Variants in CAMK2D observed in about 807,000 individuals in gnomAD.
The protein encoded by CAMK2D is calcium/calmodulin-dependent protein kinase type II subunit delta.
CAMK2D carries 37 observed loss-of-function variants against 84.0 expected under a neutral mutation model. The ratio of observed to expected loss-of-function variants is 0.44; its 90% CI spans 0.34 to 0.58. The LOEUF (loss-of-function observed/expected upper bound fraction) is 0.58. Ranked by LOEUF, CAMK2D falls within the 20% of genes least tolerant of loss-of-function variation. The probability of loss-of-function intolerance (pLI) is 0.02; values close to 1 mark genes in which losing one functional copy is unlikely to be tolerated. For missense variants in CAMK2D, 448 were observed against 652.5 expected (o/e 0.69, Z 3.41); for synonymous variants, 202 against 212.5 (o/e 0.95, Z 0.43).
In CAMK2D at chr4:113,462,338, G is replaced by GTCTATCTA. The variant is rs1215010791; in HGVS notation, c.1212-2105_1212-2098dup. Among the ~76,000 whole-genome samples, 319 of 130,514 alleles carry GTCTATCTA rather than the reference G, an allele frequency of 2.4e-3. 3 individuals are homozygous for GTCTATCTA. The highest frequency in any genetic ancestry group is 2.3e-3 in the Non-Finnish European group (143 of 62,698). 85.6% of individuals were successfully genotyped at this position (130,514 alleles called of 152,430 possible). A position where few individuals can be genotyped will look rare whatever the true frequency, so the allele number is the denominator to read the frequency against. Reference sequence around the variant, plus strand: ...TGTCTGTCTGTCTGTCTGTCTGTCTGTCTATCTATCTATCTATCTATCTAT... The same window carrying GTCTATCTA: ...TGTCTGTCTGTCTGTCTGTCTGTCTGTCTATCTATCTATCTATCTATCTATCTATCTAT... On this transcript the variant is annotated intron_variant, in intron 17 of 20. Transcript: ENST00000511664.
At chr4:113,759,643 A>G (rs557595120) in intron 1 of CAMK2D, among the ~76,000 whole-genome samples, 2 of 152,350 alleles carry the variant, frequency 1.3e-5, no homozygotes, top group African/African-American at 4.8e-5. Flanking sequence ...AATGAAAGGA[A>G]CTGCCAATTA....
intron 4 of CAMK2D, among the ~76,000 whole-genome samples, chr4:113,582,528 C>T (rs2098815277): frequency 1.3e-5 from 2 of 152,050 alleles, no homozygotes; most frequent in African/African-American, 4.8e-5. Flanking sequence ...AAAATGTACA[C>T]CTTAAGTATC....
At chr4:113,525,574 CTG>C (rs2098410501) in intron 8 of CAMK2D, among the ~76,000 whole-genome samples, 1 of 152,162 alleles carries the variant, frequency 6.6e-6, no homozygotes, top group Non-Finnish European at 1.5e-5. Context: ...AGACCATACT[CTG>C]TGTGCGATCA....
intron 3 of CAMK2D, among the ~76,000 whole-genome samples, chr4:113,652,873 T>G (rs2099181016): frequency 6.6e-6 from 1 of 152,136 alleles, no homozygotes; most frequent in Non-Finnish European, 1.5e-5. Flanking sequence ...ATCCTTCATT[T>G]GTAACAGAAG....
intron 2 of CAMK2D, among the ~76,000 whole-genome samples, chr4:113,757,845 C>A (rs1396157798): frequency 6.6e-6 from 1 of 152,050 alleles, no homozygotes; most frequent in African/African-American, 2.4e-5. Flanking sequence ...ATTTGTTATT[C>A]TGATTTAGGG....
At chr4:113,467,581 C>A (rs1436982311) in intron 16 of CAMK2D, among the ~76,000 whole-genome samples, 3 of 152,148 alleles carry the variant, frequency 2.0e-5, no homozygotes, top group Non-Finnish European at 4.4e-5. Flanking sequence ...TACATAATTA[C>A]TTTTCATTTA....
chr4:113,544,545 C>T (rs969083128), intron 6 of CAMK2D, among the ~76,000 whole-genome samples: 1 of 152,108 alleles, frequency 6.6e-6, no homozygotes, highest in African/African-American at 2.4e-5. Context: ...GCTAAATTTT[C>T]GTTTACATAC....
intron 3 of CAMK2D, among the ~76,000 whole-genome samples, chr4:113,616,580 A>G (rs1044514798): frequency 2.6e-5 from 4 of 152,220 alleles, no homozygotes; most frequent in African/African-American, 9.6e-5. Context: ...GGAAGAAATT[A>G]GAAAGTGGGA....
At chr4:113,708,591 T>C (rs568471325) in intron 2 of CAMK2D, among the ~76,000 whole-genome samples, 3 of 148,850 alleles carry the variant, frequency 2.0e-5, no homozygotes, top group African/African-American at 7.3e-5. Context: ...TGGGAGAAAG[T>C]TTTTTTTTCC....
intron 2 of CAMK2D, among the ~76,000 whole-genome samples, chr4:113,688,910 C>CAAAAAAAAAAAAAAAAAAAAAA (rs34196728): frequency 4.0e-5 from 2 of 49,714 alleles, no homozygotes; most frequent in African/African-American, 7.6e-5. Context: ...AAAGAAGATG[C>CAAAAAAAAAAAAAAAAAAAAAA]AAAAAAAAAA....
At chr4:113,724,371 C>T (rs2099539838) in intron 2 of CAMK2D, among the ~76,000 whole-genome samples, 2 of 151,588 alleles carry the variant, frequency 1.3e-5, no homozygotes, top group Non-Finnish European at 2.9e-5. Flanking sequence ...GAGATGTATA[C>T]TTTGCTTAAT....
At chr4:113,537,835 A>G (rs2098503925) in intron 6 of CAMK2D, among the ~76,000 whole-genome samples, 1 of 152,214 alleles carries the variant, frequency 6.6e-6, no homozygotes, top group Non-Finnish European at 1.5e-5. Context: ...TGGCAAAATA[A>G]TAACAAGAGT....
At chr4:113,674,658 A>T (rs1265466842) in intron 2 of CAMK2D, among the ~76,000 whole-genome samples, 1 of 152,214 alleles carries the variant, frequency 6.6e-6, no homozygotes, top group Non-Finnish European at 1.5e-5. Flanking sequence ...GGAAATTAAC[A>T]GATCTACTGC....
At position 113,526,451 on chromosome 4, in the gene CAMK2D, T is replaced by C. The variant is rs1024915949; in HGVS notation, c.601+4765A>G. 6.0e-5 allele frequency among the ~76,000 whole-genome samples: 9 copies of C among 150,886 alleles called. No homozygotes were observed. In the South Asian group the frequency reaches 1.7e-3, roughly 28 times the overall value. ...GTGTGTGTGTGTGTGTGTGCATGCA[T>C]GTATGCACATGTGTACGTAGTATCT... On this transcript the variant is annotated intron_variant, in intron 8 of 20. Coordinates refer to ENST00000511664, the MANE Select transcript of CAMK2D (RefSeq NM_001321571.2).
chr4:113,454,250 T>C lies in CAMK2D; in HGVS notation c.*295A>G, dbSNP rs1175493101. The stretch of plus-strand genomic sequence containing the variant: ...TGATGAAGAGTTGTACTTGGAATAT[T>C]GTGGATTTTTTTTTTTGTCTAATCT... On this transcript the variant is annotated 3_prime_UTR_variant, in exon 21 of 21. Coordinates refer to ENST00000511664, the MANE Select transcript of CAMK2D (RefSeq NM_001321571.2). 1 of 316,648 alleles carries C rather than the reference T, an allele frequency of 3.2e-6. No individual in the cohort carries two copies. The allele number at this position is 316,648 out of a possible 1,614,324, so 19.6% of individuals were successfully genotyped here.
intron 10 of CAMK2D, among the ~76,000 whole-genome samples, chr4:113,514,443 T>C (rs1294349465): frequency 1.3e-5 from 2 of 152,132 alleles, no homozygotes; most frequent in African/African-American, 4.8e-5. Flanking sequence ...CCAGAAAGTA[T>C]AGAAATGAAT....
chr4:113,488,098 TAAAGA>T (rs897954174), intron 16 of CAMK2D, among the ~76,000 whole-genome samples: 8 of 151,872 alleles, frequency 5.3e-5, no homozygotes, highest in Admixed American at 2.6e-4. Context: ...TCTGAAAAAA[TAAAGA>T]AGATAGAAGG....
chr4:113,735,289 G>GAAAAAA (rs769117708), intron 2 of CAMK2D, among the ~76,000 whole-genome samples: 1 of 44,714 alleles, frequency 2.2e-5, no homozygotes, highest in Non-Finnish European at 4.4e-5. Flanking sequence ...ATCTCTACAG[G>GAAAAAA]AAAAAAAAAA....
At chr4:113,738,978 A>T (rs980469078) in intron 2 of CAMK2D, among the ~76,000 whole-genome samples, 1 of 152,224 alleles carries the variant, frequency 6.6e-6, no homozygotes, top group East Asian at 1.9e-4. Context: ...TTAACTGTGA[A>T]TTCAAAGATT....
Sources: gnomAD v4.1 joint callset for allele counts (sites outside exome capture counted in the v4.1 genomes callset) on GRCh38, gnomAD v4.1.1 for gene constraint, MANE v1.5 for transcripts, NCBI Gene and HGNC (gene_info 2026-07-23, HGNC 2026-07-21) for gene names.